CAMK4: variants seen among roughly 807,000 people sequenced by gnomAD.
CAMK4 encodes the protein calcium/calmodulin-dependent protein kinase type IV.
CAMK4 carries 22 observed loss-of-function variants against 44.9 expected under a neutral mutation model. The ratio of observed to expected loss-of-function variants is 0.49; its 90% CI spans 0.35 to 0.70. The LOEUF (loss-of-function observed/expected upper bound fraction) is 0.70. CAMK4 is among the 30% of genes least tolerant of loss of function. CAMK4 has a pLI of 0.01. For missense variants in CAMK4, 498 were observed against 586.8 expected (o/e 0.85, Z 1.56); for synonymous variants, 218 against 215.4 (o/e 1.01, Z -0.11).
intron 4 of CAMK4, among the ~76,000 whole-genome samples, chr5:111,385,299 GT>G (rs1272104223): frequency 6.6e-6 from 1 of 152,050 alleles, no homozygotes; most frequent in Non-Finnish European, 1.5e-5. Context: ...AAACAAGGGG[GT>G]TTTGTAAGTC....
intron 1 of CAMK4, among the ~76,000 whole-genome samples, chr5:111,329,838 T>G (rs138190845): frequency 1.9e-4 from 29 of 151,840 alleles, no homozygotes; most frequent in African/African-American, 6.7e-4. Context: ...GAAAGGGAAT[T>G]TTCTTAATTT....
At chr5:111,380,619 G>T (rs1751378455) in intron 4 of CAMK4, among the ~76,000 whole-genome samples, 1 of 152,054 alleles carries the variant, frequency 6.6e-6, no homozygotes, top group Non-Finnish European at 1.5e-5. Flanking sequence ...GCGGTATTTG[G>T]TTTTCTGTTC....
At chr5:111,446,468 T>C (rs3797740) in intron 5 of CAMK4, among the ~76,000 whole-genome samples, 46,864 of 152,090 alleles carry the variant, frequency 0.31, 7,771 homozygotes, top group Non-Finnish European at 0.37. Context: ...GGGAATAGAT[T>C]CTATACAATT....
intron 1 of CAMK4, among the ~76,000 whole-genome samples, chr5:111,249,666 A>ATATATATATGTGTGTG (rs1242789662): frequency 1.4e-5 from 2 of 140,688 alleles, no homozygotes; most frequent in African/African-American, 5.3e-5. Context: ...GTGTATATAT[A>ATATATATATGTGTGTG]TGTGTGTGTG....
At chr5:111,247,794 A>G (rs1339992451) in intron 1 of CAMK4, among the ~76,000 whole-genome samples, 2 of 152,210 alleles carry the variant, frequency 1.3e-5, no homozygotes, top group Non-Finnish European at 2.9e-5. Flanking sequence ...ACTTCATAGC[A>G]ATATCAAGAC....
intron 5 of CAMK4, among the ~76,000 whole-genome samples, chr5:111,409,467 C>T (rs571178112): frequency 5.9e-5 from 9 of 152,224 alleles, no homozygotes; most frequent in Admixed American, 5.9e-4. Flanking sequence ...CCTATGAAAC[C>T]ATTTTTCCCT....
At chr5:111,263,377 A>G (rs1487599551) in intron 1 of CAMK4, among the ~76,000 whole-genome samples, 2 of 152,254 alleles carry the variant, frequency 1.3e-5, no homozygotes, top group African/African-American at 4.8e-5. Context: ...CTGAGTGGCC[A>G]GTGAAGGCTG....
At chr5:111,244,401 A>G (rs1184001946) in intron 1 of CAMK4, among the ~76,000 whole-genome samples, 1 of 152,162 alleles carries the variant, frequency 6.6e-6, no homozygotes, top group Non-Finnish European at 1.5e-5. Flanking sequence ...TTTGTCCTCA[A>G]ATGTATTGGA....
intron 1 of CAMK4, among the ~76,000 whole-genome samples, chr5:111,320,893 T>G (rs1382861995): frequency 6.6e-6 from 1 of 152,232 alleles, no homozygotes; most frequent in Non-Finnish European, 1.5e-5. Context: ...CAGCCATAAC[T>G]ATGGGCTGTC....
intron 1 of CAMK4, among the ~76,000 whole-genome samples, chr5:111,270,616 C>T (rs964878626): frequency 3.9e-5 from 6 of 152,142 alleles, no homozygotes; most frequent in Admixed American, 2.6e-4. Flanking sequence ...TCAGCTTACC[C>T]CTATTCCCTT....
intron 1 of CAMK4, among the ~76,000 whole-genome samples, chr5:111,257,247 A>G (rs764673680): frequency 6.6e-6 from 1 of 152,264 alleles, no homozygotes. Context: ...TTTACCATCT[A>G]TCCACCTGAC....
chr5:111,278,723 T>C (rs1267989630), intron 1 of CAMK4, among the ~76,000 whole-genome samples: 1 of 152,226 alleles, frequency 6.6e-6, no homozygotes. Flanking sequence ...TGTTATTTTC[T>C]AAGCAAGGCT....
chr5:111,333,384 C>T (rs532659394), intron 1 of CAMK4, among the ~76,000 whole-genome samples: 3 of 147,382 alleles, frequency 2.0e-5, no homozygotes, highest in Non-Finnish European at 4.5e-5. Context: ...TAATAGCTAA[C>T]AATATGATGC....
intron 1 of CAMK4, among the ~76,000 whole-genome samples, chr5:111,267,848 AGT>A (rs530414761): frequency 7.5e-4 from 105 of 139,332 alleles, no homozygotes; most frequent in African/African-American, 3.0e-3. Context: ...AGTAAATATT[AGT>A]GAGAATGCTG....
At chr5:111,377,343 C>T (rs1432126185) in intron 4 of CAMK4, among the ~76,000 whole-genome samples, 2 of 151,840 alleles carry the variant, frequency 1.3e-5, no homozygotes, top group Admixed American at 1.3e-4. Context: ...GATCCAAAAG[C>T]TCATAAAACT....
At chr5:111,375,045 C>CCTCAT in intron 3 of CAMK4, 133 bp downstream of exon 3, 1 of 630,718 alleles carries the variant, frequency 1.6e-6, no homozygotes, top group South Asian at 2.0e-5. Context: ...TAGCTCTTGT[C>CCTCAT]CTCATCTCAT....
intron 5 of CAMK4, among the ~76,000 whole-genome samples, chr5:111,397,268 G>A (rs942343846): frequency 6.6e-6 from 1 of 152,128 alleles, no homozygotes; most frequent in African/African-American, 2.4e-5. Flanking sequence ...TGTAAAATAG[G>A]CATAGCAATT....
intron 5 of CAMK4, among the ~76,000 whole-genome samples, chr5:111,443,429 C>G (rs1753917907): frequency 6.7e-6 from 1 of 149,422 alleles, no homozygotes; most frequent in Non-Finnish European, 1.5e-5. Context: ...CAAATCATCT[C>G]TGCATGTCTT....
chr5:111,294,638 A>T (rs954487085), intron 1 of CAMK4, among the ~76,000 whole-genome samples: 4 of 151,764 alleles, frequency 2.6e-5, no homozygotes, highest in African/African-American at 9.7e-5. Context: ...ACTGATGCAC[A>T]TGTTCTGTAT....
Sources: allele counts gnomAD v4.1 joint callset (sites outside exome capture counted in the v4.1 genomes callset), GRCh38; gene constraint gnomAD v4.1.1; transcripts MANE v1.5; gene names NCBI Gene and HGNC (gene_info 2026-07-23, HGNC 2026-07-21).